Variants in AGFG1 observed in about 807,000 individuals in gnomAD.
AGFG1 encodes arf-GAP domain and FG repeat-containing protein 1.
Under a neutral mutation model 60.6 loss-of-function variants are expected in AGFG1, and 10 were observed. That is an observed-to-expected ratio of 0.16 (90% CI 0.10 to 0.28). The LOEUF (loss-of-function observed/expected upper bound fraction) is 0.28, where lower values mean the gene tolerates loss of function less well. Ranked by LOEUF, AGFG1 falls within the 10% of genes least tolerant of loss-of-function variation. The pLI is 1.00. For synonymous variants in AGFG1, 247 were observed against 242.9 expected, an observed-to-expected ratio of 1.02 and a Z score of -0.16; for missense variants, 537 against 676.5, an observed-to-expected ratio of 0.79 and a Z score of 2.29.
At chr2:227,523,724 T>C in intron 3 of AGFG1, 39 bp from the exon 4 acceptor site, 1 of 1,580,796 alleles carries the variant, frequency 6.3e-7, no homozygotes, top group Non-Finnish European at 8.6e-7. Context: ...TAGAATTACC[T>C]ACATTTTTTT....
Position 227,531,104 on chromosome 2 carries a change from A to C in AGFG1, c.708A>C (p.Ala236=), listed in dbSNP as rs1227603036. 1.2e-6 allele frequency: 2 copies of C among 1,612,712 alleles called. No homozygotes were observed. Among genetic ancestry groups the C allele is most frequent in the Admixed American group, 3.3e-5 (2 of 59,840 alleles). ...HFNSHAAQNS[A]NADFANFDAF... is the part of the protein sequence containing the mutation. ...TACCATTTACAGCTCAGAATTCTGC[A>C]AATGCAGATTTTGCAAACTTTGATG... The change falls in exon 6 of 13, where the codon GCA becomes GCC. Residue 236 remains alanine, a synonymous_variant. Transcript: ENST00000310078.
intron 10 of AGFG1, among the ~76,000 whole-genome samples, chr2:227,540,192 C>T (rs1243043811): frequency 8.5e-6 from 1 of 117,860 alleles, no homozygotes; most frequent in Non-Finnish European, 1.8e-5. Flanking sequence ...AACTTTGGGG[C>T]TTTAGTTTTT....
intron 1 of AGFG1, among the ~76,000 whole-genome samples, chr2:227,473,721 A>G (rs1690194146): frequency 6.6e-6 from 1 of 152,226 alleles, no homozygotes; most frequent in Non-Finnish European, 1.5e-5. Context: ...GATTAATACA[A>G]AGCACATAAT....
intron 2 of AGFG1, among the ~76,000 whole-genome samples, chr2:227,509,252 C>T (rs1472553390): frequency 2.0e-5 from 3 of 152,030 alleles, no homozygotes; most frequent in Non-Finnish European, 1.5e-5. Context: ...CCCCAAAATA[C>T]GTAACTTTAA....
chr2:227,504,201 T>C (rs1266312166), intron 2 of AGFG1, among the ~76,000 whole-genome samples: 2 of 151,344 alleles, frequency 1.3e-5, no homozygotes, highest in Non-Finnish European at 3.0e-5. Context: ...TTTTTTTTTT[T>C]TTTTTGAGAT....
In AGFG1 at chr2:227,556,695, T is replaced by A. The variant is rs1007160891; in HGVS notation, c.*2200T>A. ...TTTAAAGACTATTTCTTTTTCTGGG[T>A]AACTATTGAAGTTTGTAATTAAATG... On this transcript the variant is annotated 3_prime_UTR_variant, in exon 13 of 13. Coordinates refer to ENST00000310078, the MANE Select transcript of AGFG1 (RefSeq NM_004504.5). 2.6e-4 allele frequency: 40 copies of A among 152,750 alleles called. No individual in the cohort carries two copies. The highest frequency in any genetic ancestry group is 9.6e-4 in the African/African-American group (40 of 41,560). The allele number at this position is 152,750 out of a possible 1,614,324, so 9.5% of individuals were successfully genotyped here.
chr2:227,528,354 T>C (rs1380135375), intron 5 of AGFG1, among the ~76,000 whole-genome samples: 1 of 152,130 alleles, frequency 6.6e-6, no homozygotes, highest in East Asian at 1.9e-4. Flanking sequence ...GGAGTTGTGG[T>C]AGATTTCCCT....
chr2:227,490,275 C>T (rs1287298718), intron 1 of AGFG1, among the ~76,000 whole-genome samples: 2 of 152,042 alleles, frequency 1.3e-5, no homozygotes, highest in Non-Finnish European at 2.9e-5. Flanking sequence ...CTGACAAATT[C>T]TTTAAAAATA....
At chr2:227,539,747 A>C (rs977761551) in intron 10 of AGFG1, among the ~76,000 whole-genome samples, 516 of 79,148 alleles carry the variant, frequency 6.5e-3, no homozygotes, top group African/African-American at 0.027. Flanking sequence ...TCTAGCTCAC[A>C]AAAAAAAAAA....
At chr2:227,532,162 G>C in intron 6 of AGFG1, 1 of 1,547,944 alleles carries the variant, frequency 6.5e-7, no homozygotes, top group Non-Finnish European at 8.7e-7. Flanking sequence ...TCATCTAGCT[G>C]CAGTTTTGGT....
At chr2:227,480,460 C>A (rs774893416) in intron 1 of AGFG1, among the ~76,000 whole-genome samples, 1 of 151,866 alleles carries the variant, frequency 6.6e-6, no homozygotes, top group Non-Finnish European at 1.5e-5. Context: ...AGTGCAGTGG[C>A]GCCAACTCAG....
Position 227,557,688 on chromosome 2 carries a change from G to GA in AGFG1, c.*3195dup, listed in dbSNP as rs1693015394. ...ACTTTTCCAAAACAAAAACTAATGAGAACAGGAACATTGTTTTACATTTTA... is the reference window on the plus strand; with the variant it reads ...ACTTTTCCAAAACAAAAACTAATGAGAAACAGGAACATTGTTTTACATTTTA... On this transcript the variant is annotated 3_prime_UTR_variant, in exon 13 of 13. Coordinates refer to ENST00000310078, the MANE Select transcript of AGFG1 (RefSeq NM_004504.5). 6.6e-6 allele frequency: 1 copy of GA among 152,076 alleles called. No homozygotes were observed. Among genetic ancestry groups the GA allele is most frequent in the African/African-American group, 2.4e-5 (1 of 41,410 alleles). 9.4% of individuals were successfully genotyped at this position (152,076 alleles called of 1,614,324 possible).
intron 2 of AGFG1, among the ~76,000 whole-genome samples, chr2:227,509,529 C>G (rs569561328): frequency 6.6e-6 from 1 of 151,950 alleles, no homozygotes; most frequent in African/African-American, 2.4e-5. Flanking sequence ...TGTAAAAGAA[C>G]GTACTTATTT....
intron 6 of AGFG1, chr2:227,532,220 T>C (rs755087442): frequency 6.5e-7 from 1 of 1,540,496 alleles, no homozygotes; most frequent in South Asian, 1.2e-5. Flanking sequence ...GTAAGTTCTG[T>C]TGTCAAGTAG....
intron 2 of AGFG1, among the ~76,000 whole-genome samples, chr2:227,502,857 T>C (rs1471253868): frequency 6.6e-6 from 1 of 152,186 alleles, no homozygotes; most frequent in Non-Finnish European, 1.5e-5. Flanking sequence ...GTTTCATATT[T>C]TTACATGAAT....
Position 227,472,342 on chromosome 2 carries a change from C to G in AGFG1, c.-80C>G. ...CGGAGGGCGGCGGCCGCGGCCAGGGCGGCCCGTGGGACCGCGGGCCCCCGG... is the reference window on the plus strand; with the variant it reads ...CGGAGGGCGGCGGCCGCGGCCAGGGGGGCCCGTGGGACCGCGGGCCCCCGG... On this transcript the variant is annotated 5_prime_UTR_variant, in exon 1 of 13. Coordinates refer to ENST00000310078, the MANE Select transcript of AGFG1 (RefSeq NM_004504.5). 1 of 909,810 alleles carries G rather than the reference C, an allele frequency of 1.1e-6. No individual in the cohort carries two copies. Among genetic ancestry groups the G allele is most frequent in the Non-Finnish European group, 1.3e-6 (1 of 759,496 alleles). 56.4% of individuals were successfully genotyped at this position (909,810 alleles called of 1,614,324 possible). A position where few individuals can be genotyped will look rare whatever the true frequency, so the allele number is the denominator to read the frequency against.
At chr2:227,536,575 T>C in intron 8 of AGFG1, 50 bp from the exon 9 acceptor site, 1 of 1,542,986 alleles carries the variant, frequency 6.5e-7, no homozygotes, top group Non-Finnish European at 8.9e-7. Context: ...AATCGTTACT[T>C]TCTTTTTTTT....
rs1348320804 is a variant in AGFG1, at chr2:227,558,139, A to G, written c.*3644A>G. 2.6e-5 allele frequency: 4 copies of G among 152,204 alleles called. No individual in the cohort carries two copies. Among genetic ancestry groups the G allele is most frequent in the East Asian group, 1.9e-4 (1 of 5,186 alleles). The allele number at this position is 152,204 out of a possible 1,614,324, so 9.4% of individuals were successfully genotyped here. ...ATTTGTAAAACAATTTTCATATTTC[A>G]TCTCTTACAATCCCTGCAGTGGACC... On this transcript the variant is annotated 3_prime_UTR_variant, in exon 13 of 13. Coordinates refer to ENST00000310078, the MANE Select transcript of AGFG1 (RefSeq NM_004504.5).
At position 227,526,360 on chromosome 2, in the gene AGFG1, T is replaced by C. The variant is rs189986581; in HGVS notation, c.694+1445T>C. On this transcript the variant is annotated intron_variant, in intron 5 of 12. Transcript: ENST00000310078. ...AAGCGTGTGCCACAGCACCCGAAAT[T>C]ATATACAAATGTAAAATTTTGTATT... 2.7e-4 allele frequency among the ~76,000 whole-genome samples: 40 copies of C among 149,450 alleles called. 1 individual carries two copies. Among genetic ancestry groups the C allele is most frequent in the Admixed American group, 2.3e-3 (35 of 15,074 alleles).
Sources: gnomAD v4.1 joint callset for allele counts (sites outside exome capture counted in the v4.1 genomes callset) on GRCh38, gnomAD v4.1.1 for gene constraint, MANE v1.5 for transcripts, NCBI Gene and HGNC (gene_info 2026-07-23, HGNC 2026-07-21) for gene names.